The following TM9SF4 variants were observed in gnomAD, a reference collection of about 807,000 sequenced individuals.
TM9SF4 encodes the protein dinucleotide oxidase disulfide thiol exchanger 3 superfamily member 4.
In TM9SF4, 26 loss-of-function variants were observed where a neutral mutation model predicts 90.4. The ratio of observed to expected loss-of-function variants is 0.29; its 90% confidence interval spans 0.21 to 0.40. TM9SF4 has a LOEUF of 0.40. Ranked by LOEUF, TM9SF4 falls within the 10% of genes least tolerant of loss-of-function variation. TM9SF4 has a pLI of 1.00. For missense variants in TM9SF4, 549 were observed against 834.8 expected, an observed-to-expected ratio of 0.66 and a Z score of 4.22; for synonymous variants, 293 against 315.4, an observed-to-expected ratio of 0.93 and a Z score of 0.75.
intron 2 of TM9SF4, among the ~76,000 whole-genome samples, chr20:32,134,698 A>C (rs1350398473): frequency 2.7e-5 from 4 of 150,276 alleles, no homozygotes; most frequent in Non-Finnish European, 5.9e-5. Context: ...TGTGAGATGG[A>C]ATCTTGCTCT....
intron 13 of TM9SF4, among the ~76,000 whole-genome samples, chr20:32,155,589 AG>A (rs1349091652): frequency 6.6e-6 from 1 of 152,088 alleles, no homozygotes; most frequent in Non-Finnish European, 1.5e-5. Context: ...GGTGGAGGAG[AG>A]AGGAAAGGAA....
rs547642735 is a variant in TM9SF4 at position 32,151,666 on chromosome 20, T to C, written c.1245+791T>C. The stretch of plus-strand genomic sequence containing the variant: ...GGATCAAAGAAAGGTTCCTGAATTG[T>C]TTTTTGTTTTTTTATTGTTGTTGTT... On this transcript the variant is annotated intron_variant, in intron 12 of 17. Coordinates refer to ENST00000398022, the MANE Select transcript of TM9SF4 (RefSeq NM_014742.4). Among the ~76,000 whole-genome samples, 240 of 152,164 alleles carry C rather than the reference T, an allele frequency of 1.6e-3. 6 individuals are homozygous for C. The highest frequency in any genetic ancestry group is 0.011 in the East Asian group (56 of 5,178).
At chr20:32,145,282 T>A (rs2046747534) in intron 7 of TM9SF4, 30 bp from the exon 8 acceptor site, 1 of 1,613,236 alleles carries the variant, frequency 6.2e-7, no homozygotes, top group Non-Finnish European at 8.5e-7. Context: ...GCAGGATGCC[T>A]GACTCTAAGT....
intron 12 of TM9SF4, among the ~76,000 whole-genome samples, chr20:32,153,266 G>A (rs1436007964): frequency 2.0e-5 from 3 of 152,204 alleles, no homozygotes; most frequent in African/African-American, 7.2e-5. Flanking sequence ...GATGACCTAT[G>A]CAAAAAGGCC....
At chr20:32,127,636 G>A (rs2046442721) in intron 1 of TM9SF4, among the ~76,000 whole-genome samples, 1 of 152,148 alleles carries the variant, frequency 6.6e-6, no homozygotes. Flanking sequence ...GTGTCTTTTT[G>A]TTTTTGTTTT....
Position 32,165,921 on chromosome 20 carries a change from C to T in TM9SF4, c.*477C>T, listed in dbSNP as rs2047093073. On this transcript the variant is annotated 3_prime_UTR_variant, in exon 18 of 18. Coordinates refer to ENST00000398022, the MANE Select transcript of TM9SF4 (RefSeq NM_014742.4). The stretch of plus-strand genomic sequence containing the variant: ...GTGAGGTTTCCGAGCCTCTCCCTGC[C>T]CATCCTCACCACTGAGGCCACGACA... The T allele has an allele frequency of 6.2e-6, 1 of 162,538 alleles. No individual in the cohort carries two copies. Among genetic ancestry groups the T allele is most frequent in the Non-Finnish European group, 1.4e-5 (1 of 73,684 alleles). 10.1% of individuals were successfully genotyped at this position (162,538 alleles called of 1,614,324 possible).
chr20:32,153,373 G>A (rs755455399), intron 12 of TM9SF4, among the ~76,000 whole-genome samples: 16 of 152,194 alleles, frequency 1.1e-4, no homozygotes, highest in South Asian at 2.1e-4. Context: ...ATCAGGTTCC[G>A]GAGGGCCTTC....
In TM9SF4 at chr20:32,135,579, C is replaced by G. The variant is rs147430239; in HGVS notation, c.130-495C>G. On this transcript the variant is annotated intron_variant, in intron 2 of 17. Transcript: ENST00000398022. ...TTTAGATACCCTGGTGAGGTAAGGA[C>G]ACAGGCAAGGGGAGAGCTGAGACCT... Among the ~76,000 whole-genome samples, 14 of 152,230 alleles carry G rather than the reference C, an allele frequency of 9.2e-5. No individual in the cohort carries two copies. The East Asian group carries it at 2.7e-3, about 29-fold the overall frequency.
intron 16 of TM9SF4, 179 bp from the exon 17 acceptor site, chr20:32,161,097 G>A (rs912432065): frequency 3.0e-5 from 17 of 572,302 alleles, no homozygotes; most frequent in African/African-American, 2.9e-4. Flanking sequence ...CCACAGTTCT[G>A]TGGTTTTTAG....
chr20:32,146,339 G>A (rs774682148), intron 8 of TM9SF4, among the ~76,000 whole-genome samples: 6 of 152,142 alleles, frequency 3.9e-5, no homozygotes, highest in Non-Finnish European at 8.8e-5. Flanking sequence ...CGAAGCACGC[G>A]TAGGAGTCAG....
rs762885617 is a variant in TM9SF4, at chr20:32,109,715, T to C, written c.-26T>C. ...CCAGGGAGCACCACTTCCGCTGACG[T>C]CATTACGGCGACACGTGGATCCAAG... On this transcript the variant is annotated 5_prime_UTR_variant, in exon 1 of 18. Transcript: ENST00000398022. 6.4e-7 allele frequency: 1 copy of C among 1,551,608 alleles called. No individual in the cohort carries two copies. The highest frequency in any genetic ancestry group is 8.7e-7 in the Non-Finnish European group (1 of 1,146,984).
intron 6 of TM9SF4, among the ~76,000 whole-genome samples, 162 bp downstream of exon 6, chr20:32,143,267 G>T (rs944452930): frequency 1.3e-5 from 2 of 152,218 alleles, no homozygotes; most frequent in Non-Finnish European, 1.5e-5. Context: ...GAGAAGACGG[G>T]GTGTGGGGGC....
At chr20:32,135,470 CA>C (rs1431769488) in intron 2 of TM9SF4, among the ~76,000 whole-genome samples, 1 of 152,104 alleles carries the variant, frequency 6.6e-6, no homozygotes, top group African/African-American at 2.4e-5. Flanking sequence ...TTTTAAAAAA[CA>C]GGGAAACTAA....
At chr20:32,114,659 G>A (rs1450099460) in intron 1 of TM9SF4, among the ~76,000 whole-genome samples, 1 of 152,158 alleles carries the variant, frequency 6.6e-6, no homozygotes, top group East Asian at 1.9e-4. Context: ...GTGAAATAGC[G>A]TGCTAATCAG....
chr20:32,123,774 T>G (rs1004378502), intron 1 of TM9SF4, among the ~76,000 whole-genome samples: 1 of 149,332 alleles, frequency 6.7e-6, no homozygotes, highest in African/African-American at 2.4e-5. Flanking sequence ...ATTATACTTG[T>G]AAGTCTTTTA....
intron 1 of TM9SF4, among the ~76,000 whole-genome samples, chr20:32,117,300 G>T (rs2046241463): frequency 6.6e-6 from 1 of 151,470 alleles, no homozygotes; most frequent in African/African-American, 2.4e-5. Context: ...TAAGGAAAAT[G>T]CTGCTTTTGC....
At chr20:32,150,065 TG>T (rs1209360420) in intron 10 of TM9SF4, among the ~76,000 whole-genome samples, 2 of 152,190 alleles carry the variant, frequency 1.3e-5, no homozygotes, top group Admixed American at 1.3e-4. Context: ...CCAAGTGACC[TG>T]CCCAAAGTCA....
At chr20:32,147,860 A>G (rs545541748) in intron 9 of TM9SF4, among the ~76,000 whole-genome samples, 11 of 50,860 alleles carry the variant, frequency 2.2e-4, no homozygotes, top group East Asian at 1.8e-3. Flanking sequence ...CTCCAAAGGA[A>G]AAAAAAAAAA....
chr20:32,124,711 C>T (rs569565246), intron 1 of TM9SF4, among the ~76,000 whole-genome samples: 3 of 152,204 alleles, frequency 2.0e-5, no homozygotes, highest in Admixed American at 2.0e-4. Context: ...CTCAGCCTCC[C>T]AAGTAGCTGG....
Sources: gnomAD v4.1 joint callset for allele counts (sites outside exome capture counted in the v4.1 genomes callset) on GRCh38, gnomAD v4.1.1 for gene constraint, MANE v1.5 for transcripts, NCBI Gene and HGNC (gene_info 2026-07-23, HGNC 2026-07-21) for gene names.